OR4F15: variants seen among roughly 807,000 people sequenced by gnomAD.
OR4F15 encodes the protein olfactory receptor family 4 subfamily F member 15, also known as olfactory receptor 4F15.
A neutral mutation model predicts 11.9 loss-of-function variants in OR4F15; 7 were observed. The observed-to-expected ratio is 0.59, with a 90% CI of 0.33 to 1.10. The LOEUF (loss-of-function observed/expected upper bound fraction) is 1.10, where lower values mean the gene tolerates loss of function less well. Ranked by LOEUF, OR4F15 falls within the 50% of genes least tolerant of loss-of-function variation. The pLI is 0.03. For missense variants in OR4F15, 445 were observed against 377.5 expected (o/e 1.18, Z -1.48); for synonymous variants, 151 against 134.6 (o/e 1.12, Z -0.84).
At chr15:101,812,701 A>G (rs1902926755) in intron 1 of OR4F15, among the ~76,000 whole-genome samples, 1 of 152,184 alleles carries the variant, frequency 6.6e-6, no homozygotes, top group Admixed American at 6.6e-5. Context: ...TCATGGACTC[A>G]AGATGGAGAA....
Position 101,818,808 on chromosome 15 carries a change from G to A in OR4F15, c.622G>A (p.Val208Met). 1 of 1,614,082 alleles carries A rather than the reference G, an allele frequency of 6.2e-7. No individual in the cohort carries two copies. Among genetic ancestry groups the A allele is most frequent in the Non-Finnish European group, 8.5e-7 (1 of 1,180,008 alleles). The change falls in exon 2 of 2, where the codon GTG becomes ATG. Residue 208 changes from valine to methionine, a missense_variant. Coordinates refer to ENST00000332238, the MANE Select transcript of OR4F15 (RefSeq NM_001001674.2). ...CACTGTCAATAGTGGACTCATTTCT[G>A]TGGGCTCCTTTGTCTTGCTGGTAAT... ...MVTVNSGLISVGSFVLLVISY... is the reference protein window; with the variant it reads ...MVTVNSGLISMGSFVLLVISY...
At chr15:101,816,366 A>G (rs1902989043) in intron 1 of OR4F15, among the ~76,000 whole-genome samples, 2 of 152,144 alleles carry the variant, frequency 1.3e-5, no homozygotes, top group African/African-American at 4.8e-5. Flanking sequence ...TCTTTTCTAG[A>G]AGCTCCAGGA....
Position 101,818,500 on chromosome 15 carries a change from A to G in OR4F15, c.314A>G (p.His105Arg), listed in dbSNP as rs370563574. Residue 105 changes from histidine (H) to arginine (R), a missense_variant, in exon 2 of 2, where the codon CAT becomes CGT. By Grantham distance (29) the His-to-Arg change is conservative. Transcript: ENST00000332238. The part of the protein sequence containing the change: ...RGCITQIFFS[H>R]ALGGTEMVLL... ...TGTATTACTCAGATCTTCTTTAGCC[A>G]TGCTCTTGGGGGCACTGAGATGGTG... 33 of 1,614,144 alleles carry G rather than the reference A, an allele frequency of 2.0e-5. No homozygotes were observed. The African/African-American group carries it at 3.3e-4, about 16-fold the overall frequency.
In OR4F15 at chr15:101,818,933, G is replaced by A; in HGVS notation, c.747G>A (p.Leu249=). The A allele has an allele frequency of 6.2e-7, 1 of 1,614,086 alleles. No homozygotes were observed. Among genetic ancestry groups the A allele is most frequent in the Non-Finnish European group, 8.5e-7 (1 of 1,180,008 alleles). ...CAGCTCATGTCACTGTGGTCATCTT[G>A]TTCTTTGGGCCACTGATGTTTTTCT... ...TLSAHVTVVI[L]FFGPLMFFYT... The change falls in exon 2 of 2, where the codon TTG becomes TTA. Residue 249 remains leucine, a synonymous_variant. Coordinates refer to ENST00000332238, the MANE Select transcript of OR4F15 (RefSeq NM_001001674.2).
chr15:101,813,935 C>T (rs1258354172), intron 1 of OR4F15, among the ~76,000 whole-genome samples: 1 of 152,146 alleles, frequency 6.6e-6, no homozygotes, highest in Non-Finnish European at 1.5e-5. Context: ...AGGATATCTC[C>T]TAATGGCAAT....
rs534474268 is a variant in OR4F15 at position 101,820,130 on chromosome 15, C to T, written c.*1005C>T. 6.6e-6 allele frequency: 1 copy of T among 152,288 alleles called. No individual in the cohort carries two copies. The highest frequency in any genetic ancestry group is 1.9e-4 in the East Asian group (1 of 5,184). 9.4% of individuals were successfully genotyped at this position (152,288 alleles called of 1,614,324 possible). A position where few individuals can be genotyped will look rare whatever the true frequency, so the allele number is the denominator to read the frequency against. On this transcript the variant is annotated 3_prime_UTR_variant, in exon 2 of 2. Coordinates refer to ENST00000332238, the MANE Select transcript of OR4F15 (RefSeq NM_001001674.2). ...TGACTCTGATTGCTAGGTCAGTGCC[C>T]TTTCACTTTCAGATCAATTTTGTTT...
At chr15:101,813,141 G>T (rs1045095347) in intron 1 of OR4F15, among the ~76,000 whole-genome samples, 23 of 152,322 alleles carry the variant, frequency 1.5e-4, no homozygotes, top group African/African-American at 5.5e-4. Flanking sequence ...GATGAATTAA[G>T]TGGATATCAG....
In OR4F15 at chr15:101,818,757, A is replaced by G. The variant is rs1903048759; in HGVS notation, c.571A>G (p.Asn191Asp). 1 of 1,614,094 alleles carries G rather than the reference A, an allele frequency of 6.2e-7. No individual in the cohort carries two copies. The highest frequency in any genetic ancestry group is 1.1e-5 in the South Asian group (1 of 91,068). ...LPRLLRLACT[N>D]TQELEFMVTV... The stretch of plus-strand genomic sequence containing the variant: ...TCGGCTCCTCAGACTTGCCTGTACC[A>G]ACACCCAAGAACTGGAGTTCATGGT... Residue 191 changes from asparagine (N) to aspartate (D), a missense_variant, in exon 2 of 2, where the codon AAC (asparagine) becomes GAC (aspartate). Physicochemically the swap from Asn to Asp is conservative, Grantham distance 23. Coordinates refer to ENST00000332238, the MANE Select transcript of OR4F15 (RefSeq NM_001001674.2).
At chr15:101,812,497 A>G (rs1902923577) in intron 1 of OR4F15, among the ~76,000 whole-genome samples, 1 of 152,186 alleles carries the variant, frequency 6.6e-6, no homozygotes, top group Admixed American at 6.5e-5. Context: ...ACTAGGATGC[A>G]TGTAAAGTTG....
In OR4F15 at chr15:101,818,311, AC is replaced by A. The variant is rs1161532269; in HGVS notation, c.127del (p.Val44SerfsTer6). 6.2e-7 allele frequency: 1 copy of A among 1,613,764 alleles called. No individual in the cohort carries two copies. The highest frequency in any genetic ancestry group is 8.5e-7 in the Non-Finnish European group (1 of 1,179,946). ...TTCTACTTTGCGAGCATGATGGGAA[AC>A]CTTGTCATTGTATTCACTGTAACCA... is the stretch of plus-strand genomic sequence containing the variant. The part of the protein sequence containing the change: ...LLFYFASMMG[N>X]LVIVFTVTMD... On this transcript the variant is annotated frameshift_variant, in exon 2 of 2. Transcript: ENST00000332238. LOFTEE classifies it high-confidence loss of function.
At chr15:101,816,809 C>T (rs905879705) in intron 1 of OR4F15, among the ~76,000 whole-genome samples, 2 of 152,108 alleles carry the variant, frequency 1.3e-5, no homozygotes. Context: ...GTCACACCTC[C>T]CCATGCTGGG....
At chr15:101,813,110 A>T (rs987504585) in intron 1 of OR4F15, among the ~76,000 whole-genome samples, 2 of 152,238 alleles carry the variant, frequency 1.3e-5, no homozygotes, top group Non-Finnish European at 2.9e-5. Flanking sequence ...AGTACCTGAC[A>T]ACTTCTTTAT....
At chr15:101,817,385 A>G (rs1903007726) in intron 1 of OR4F15, among the ~76,000 whole-genome samples, 1 of 152,210 alleles carries the variant, frequency 6.6e-6, no homozygotes, top group South Asian at 2.1e-4. Context: ...TCATTCAACA[A>G]GTGTGAAACA....
chr15:101,814,599 A>G (rs540236026), intron 1 of OR4F15, among the ~76,000 whole-genome samples: 6 of 152,282 alleles, frequency 3.9e-5, no homozygotes, highest in South Asian at 2.1e-4. Flanking sequence ...ACATCTACAC[A>G]AACTCCTACT....
In OR4F15 at chr15:101,818,354, C is replaced by A. The variant is rs561267629; in HGVS notation, c.168C>A (p.His56Gln). The A allele has an allele frequency of 4.3e-5, 69 of 1,614,138 alleles. No individual in the cohort carries two copies. Among genetic ancestry groups the A allele is most frequent in the Admixed American group, 2.7e-4 (16 of 60,028 alleles). ...VFTVTMDAHL[H>Q]SPMYFLLANL... ...CTGTAACCATGGATGCTCATCTGCA[C>A]TCCCCCATGTATTTCCTCCTGGCTA... The change falls in exon 2 of 2, where the codon CAC (histidine) becomes CAA (glutamine). Residue 56 changes from histidine to glutamine, a missense_variant. By Grantham distance (24) the His-to-Gln change is conservative. Coordinates refer to ENST00000332238, the MANE Select transcript of OR4F15 (RefSeq NM_001001674.2).
In OR4F15 at chr15:101,819,013, C is replaced by A. The variant is rs1237121035; in HGVS notation, c.827C>A (p.Ala276Glu). The change falls in exon 2 of 2, where the codon GCA (alanine) becomes GAA (glutamate). Residue 276 changes from alanine to glutamate, a missense_variant. By Grantham distance (107) the Ala-to-Glu change is moderately radical (BLOSUM62 -1). Coordinates refer to ENST00000332238, the MANE Select transcript of OR4F15 (RefSeq NM_001001674.2). The part of the protein sequence containing the change: ...HLDKYLAIFD[A>E]FITPFLNPVI... ...GATAAATATCTTGCTATTTTTGATG[C>A]ATTTATTACTCCTTTTCTGAATCCA... is the stretch of plus-strand genomic sequence containing the variant. 1 of 1,613,836 alleles carries A rather than the reference C, an allele frequency of 6.2e-7. No individual in the cohort carries two copies. Among genetic ancestry groups the A allele is most frequent in the South Asian group, 1.1e-5 (1 of 91,064 alleles).
chr15:101,815,205 A>G (rs1902968178), intron 1 of OR4F15, among the ~76,000 whole-genome samples: 1 of 152,178 alleles, frequency 6.6e-6, no homozygotes, highest in East Asian at 1.9e-4. Flanking sequence ...ATCTATGTTC[A>G]ATTTCTTATT....
Position 101,818,676 on chromosome 15 carries a change from G to A in OR4F15, c.490G>A (p.Val164Ile). The change falls in exon 2 of 2, where the codon GTA (valine) becomes ATA (isoleucine). Residue 164 changes from valine to isoleucine, a missense_variant. Coordinates refer to ENST00000332238, the MANE Select transcript of OR4F15 (RefSeq NM_001001674.2). ...CTCATTGGTCCAATTAGTTTTTGTG[G>A]TAGATTTACCTTTTTGTGGTCCTAA... is the stretch of plus-strand genomic sequence containing the variant. ...IHSLVQLVFVVDLPFCGPNIF... is the reference protein window; with the variant it reads ...IHSLVQLVFVIDLPFCGPNIF... 6.2e-7 allele frequency: 1 copy of A among 1,614,070 alleles called. No homozygotes were observed. The highest frequency in any genetic ancestry group is 8.5e-7 in the Non-Finnish European group (1 of 1,180,024).
intron 1 of OR4F15, among the ~76,000 whole-genome samples, chr15:101,817,577 G>C (rs1903012202): frequency 6.6e-6 from 1 of 152,174 alleles, no homozygotes; most frequent in Admixed American, 6.6e-5. Flanking sequence ...AGAATACAGA[G>C]TCTGGGGCAC....
Sources: allele counts gnomAD v4.1 joint callset (sites outside exome capture counted in the v4.1 genomes callset), GRCh38; gene constraint gnomAD v4.1.1; transcripts MANE v1.5; gene names NCBI Gene and HGNC (gene_info 2026-07-23, HGNC 2026-07-21).